The following ZFAND3 variants were observed in gnomAD, a reference collection of about 807,000 sequenced individuals.
ZFAND3 encodes the protein zinc finger AN1-type containing 3.
A neutral mutation model predicts 29.6 loss-of-function variants in ZFAND3; 10 were observed. That is an observed-to-expected ratio of 0.34 (90% CI 0.21 to 0.57). The LOEUF (loss-of-function observed/expected upper bound fraction) is 0.57, where lower values mean the gene tolerates loss of function less well. Among genes scored for constraint, ZFAND3 ranks in the 20% least tolerant of loss-of-function variants. ZFAND3 has a pLI of 0.86. For synonymous variants in ZFAND3, 128 were observed against 112.6 expected (o/e 1.14, Z -0.87); for missense variants, 230 against 304.5 (o/e 0.76, Z 1.82).
intron 4 of ZFAND3, among the ~76,000 whole-genome samples, chr6:38,102,385 ATTAGT>A (rs1765112938): frequency 6.6e-6 from 1 of 152,216 alleles, no homozygotes; most frequent in South Asian, 2.1e-4. Flanking sequence ...ATTTACTTGA[ATTAGT>A]GTCTCATTCA....
intron 2 of ZFAND3, among the ~76,000 whole-genome samples, chr6:37,943,121 C>T (rs2127417744): frequency 6.6e-6 from 1 of 152,084 alleles, no homozygotes; most frequent in South Asian, 2.1e-4. Context: ...AAAATGATGT[C>T]TGTAGTAGAG....
At position 37,966,801 on chromosome 6, in the gene ZFAND3, A is replaced by G. The variant is rs539823952; in HGVS notation, c.112+36802A>G. ...ATCCTCAGGTTTAATAATATCTTTT[A>G]TAGCACACGTCCCCATAATGCCCCT... is the stretch of plus-strand genomic sequence containing the variant. On this transcript the variant is annotated intron_variant, in intron 2 of 5. Transcript: ENST00000287218. Among the ~76,000 whole-genome samples, 11 of 152,294 alleles carry G rather than the reference A, an allele frequency of 7.2e-5. No individual in the cohort carries two copies. In the East Asian group the frequency reaches 1.9e-3, roughly 27 times the overall value.
At chr6:37,825,979 G>A (rs1438142937) in intron 1 of ZFAND3, among the ~76,000 whole-genome samples, 2 of 152,132 alleles carry the variant, frequency 1.3e-5, no homozygotes, top group African/African-American at 4.8e-5. Context: ...AATAATCACA[G>A]ATTAAAATTG....
intron 1 of ZFAND3, among the ~76,000 whole-genome samples, chr6:37,912,799 ATACT>A (rs1765546598): frequency 6.6e-6 from 1 of 152,230 alleles, no homozygotes; most frequent in African/African-American, 2.4e-5. Context: ...GTTGTAGTAG[ATACT>A]TAGTTTAGAA....
chr6:38,084,661 A>C (rs1254174869), intron 4 of ZFAND3, among the ~76,000 whole-genome samples: 1 of 152,176 alleles, frequency 6.6e-6, no homozygotes, highest in Non-Finnish European at 1.5e-5. Context: ...TGAAGGTGGT[A>C]ATATTTTTAG....
At chr6:37,843,321 T>G (rs1204114662) in intron 1 of ZFAND3, among the ~76,000 whole-genome samples, 1 of 151,316 alleles carries the variant, frequency 6.6e-6, no homozygotes, top group East Asian at 2.0e-4. Context: ...CCATCTCTAC[T>G]AAAAAATACA....
chr6:37,939,242 C>G (rs997907330), intron 2 of ZFAND3, among the ~76,000 whole-genome samples: 1 of 152,144 alleles, frequency 6.6e-6, no homozygotes, highest in African/African-American at 2.4e-5. Flanking sequence ...TTGGTTTCCT[C>G]TAGAACCTTT....
chr6:37,861,357 T>C (rs1288474047), intron 1 of ZFAND3, among the ~76,000 whole-genome samples: 1 of 151,638 alleles, frequency 6.6e-6, no homozygotes, highest in East Asian at 1.9e-4. Context: ...GTATCAAGAG[T>C]GACTAGAAAA....
At chr6:37,929,045 A>G (rs1761543308) in intron 1 of ZFAND3, among the ~76,000 whole-genome samples, 1 of 152,196 alleles carries the variant, frequency 6.6e-6, no homozygotes. Flanking sequence ...AAGTTGAATA[A>G]TGCCTTGGCA....
intron 4 of ZFAND3, among the ~76,000 whole-genome samples, chr6:38,094,969 G>A (rs1169687294): frequency 6.6e-6 from 1 of 152,074 alleles, no homozygotes; most frequent in Non-Finnish European, 1.5e-5. Context: ...ACATTTTGTA[G>A]CATTTTGGAT....
intron 1 of ZFAND3, among the ~76,000 whole-genome samples, chr6:37,820,248 C>T (rs1007961464): frequency 1.3e-5 from 2 of 152,058 alleles, no homozygotes; most frequent in Non-Finnish European, 2.9e-5. Context: ...GACTCGCCGG[C>T]CTGAAGCTCG....
chr6:38,110,136 A>C (rs16890365), intron 4 of ZFAND3, among the ~76,000 whole-genome samples: 6 of 152,142 alleles, frequency 3.9e-5, no homozygotes, highest in Admixed American at 2.0e-4. Context: ...TCGTCTCCAT[A>C]TCAAATGAAG....
intron 2 of ZFAND3, among the ~76,000 whole-genome samples, chr6:37,997,931 A>G (rs992218869): frequency 3.3e-5 from 5 of 152,168 alleles, no homozygotes; most frequent in African/African-American, 9.7e-5. Context: ...GCAGAATTGG[A>G]AGATTGTTCA....
At chr6:38,082,503 C>A in intron 4 of ZFAND3, 46 bp downstream of exon 4, 3 of 1,574,968 alleles carry the variant, frequency 1.9e-6, no homozygotes, top group Non-Finnish European at 2.6e-6. Context: ...TTGAATTCTT[C>A]ACAGAAGTTA....
At chr6:37,860,405 T>C (rs1393649694) in intron 1 of ZFAND3, among the ~76,000 whole-genome samples, 1 of 151,062 alleles carries the variant, frequency 6.6e-6, no homozygotes, top group Non-Finnish European at 1.5e-5. Context: ...TTTGTGACTA[T>C]GATGTTAATG....
At chr6:37,867,336 CAG>C (rs1764608005) in intron 1 of ZFAND3, among the ~76,000 whole-genome samples, 1 of 152,172 alleles carries the variant, frequency 6.6e-6, no homozygotes, top group African/African-American at 2.4e-5. Context: ...GAATCACAGA[CAG>C]AAACTCAGAA....
intron 1 of ZFAND3, among the ~76,000 whole-genome samples, chr6:37,906,345 G>A (rs889961469): frequency 3.9e-5 from 6 of 152,082 alleles, no homozygotes; most frequent in African/African-American, 7.2e-5. Context: ...GTGTTGTTGT[G>A]TGTATCTTAC....
chr6:37,970,230 C>T (rs551538633), intron 2 of ZFAND3, among the ~76,000 whole-genome samples: 98 of 152,008 alleles, frequency 6.4e-4, no homozygotes, highest in South Asian at 1.0e-3. Flanking sequence ...AGAAGAAAAA[C>T]ATGTATAGGT....
At chr6:38,084,918 T>C (rs1290491809) in intron 4 of ZFAND3, among the ~76,000 whole-genome samples, 1 of 152,218 alleles carries the variant, frequency 6.6e-6, no homozygotes, top group Non-Finnish European at 1.5e-5. Flanking sequence ...CTGTGCCCTC[T>C]TAGGCTAGCC....
Sources: gnomAD v4.1 joint callset for allele counts (sites outside exome capture counted in the v4.1 genomes callset) on GRCh38, gnomAD v4.1.1 for gene constraint, MANE v1.5 for transcripts, NCBI Gene and HGNC (gene_info 2026-07-23, HGNC 2026-07-21) for gene names.